SLC25A26: variants seen among roughly 807,000 people sequenced by gnomAD.
SLC25A26 encodes the protein mitochondrial S-adenosylmethionine carrier protein.
SLC25A26 carries 36 observed loss-of-function variants against 37.8 expected under a neutral mutation model. The ratio of observed to expected loss-of-function variants is 0.95; its 90% confidence interval spans 0.73 to 1.26. SLC25A26 has a LOEUF of 1.26. Ranked by LOEUF, SLC25A26 falls within the 50% of genes most tolerant of loss-of-function variation. The pLI is 0.00. For missense variants in SLC25A26, 390 were observed against 331.1 expected (o/e 1.18, Z -1.38); for synonymous variants, 129 against 122.5 (o/e 1.05, Z -0.35).
At chr3:66,348,084 C>T (rs992624495) in intron 6 of SLC25A26, among the ~76,000 whole-genome samples, 1 of 152,166 alleles carries the variant, frequency 6.6e-6, no homozygotes, top group Non-Finnish European at 1.5e-5. Context: ...TCACATTTAC[C>T]TGTGTAACAA....
chr3:66,181,803 T>C (rs868371587), intron 1 of SLC25A26, among the ~76,000 whole-genome samples: 2 of 149,158 alleles, frequency 1.3e-5, no homozygotes, highest in Non-Finnish European at 3.0e-5. Flanking sequence ...TTTTTTTTTT[T>C]CACCAAACAT....
chr3:66,200,402 C>T (rs1161578845), intron 1 of SLC25A26, among the ~76,000 whole-genome samples: 1 of 152,202 alleles, frequency 6.6e-6, no homozygotes, highest in Non-Finnish European at 1.5e-5. Context: ...GCATACAGAC[C>T]ACAAGGATGT....
In SLC25A26 at chr3:66,326,497, C is replaced by A. The variant is rs2075841246; in HGVS notation, c.454-19867C>A. On this transcript the variant is annotated intron_variant, in intron 5 of 9. Coordinates refer to ENST00000354883, the MANE Select transcript of SLC25A26 (RefSeq NM_001379210.1). ...CCAGAGGCTTTGCTGGCCTCCTGGG[C>A]CAGAATTGCAGCCAGGGCAGGGATG... Among the ~76,000 whole-genome samples the A allele has an allele frequency of 1.3e-5, 2 of 152,138 alleles. 1 individual carries two copies. Among genetic ancestry groups the A allele is most frequent in the South Asian group, 4.1e-4 (2 of 4,820 alleles).
At chr3:66,169,077 A>T (rs2070461663) in intron 1 of SLC25A26, among the ~76,000 whole-genome samples, 1 of 152,196 alleles carries the variant, frequency 6.6e-6, no homozygotes, top group Admixed American at 6.5e-5. Context: ...GTGAGCTATG[A>T]TCGCATTACT....
chr3:66,258,890 T>G (rs1230896569), intron 3 of SLC25A26, among the ~76,000 whole-genome samples: 1 of 152,040 alleles, frequency 6.6e-6, no homozygotes, highest in African/African-American at 2.4e-5. Context: ...ACATTAATTT[T>G]TTATACCAAG....
chr3:66,235,096 C>G (rs1283145827), intron 1 of SLC25A26, among the ~76,000 whole-genome samples: 4 of 152,092 alleles, frequency 2.6e-5, no homozygotes. Flanking sequence ...AGTAGTGCAT[C>G]TGTATTGACA....
chr3:66,284,819 A>G (rs976442302), intron 5 of SLC25A26, among the ~76,000 whole-genome samples: 2 of 152,234 alleles, frequency 1.3e-5, no homozygotes, highest in African/African-American at 4.8e-5. Flanking sequence ...AAACACGGCG[A>G]AAGGTTAATA....
intron 1 of SLC25A26, among the ~76,000 whole-genome samples, chr3:66,192,498 G>T (rs2070965798): frequency 6.6e-6 from 1 of 152,054 alleles, no homozygotes; most frequent in African/African-American, 2.4e-5. Context: ...AGAAATAAAT[G>T]TCTGTTGTTT....
At chr3:66,208,359 T>TC (rs1342621220) in intron 1 of SLC25A26, among the ~76,000 whole-genome samples, 1 of 151,546 alleles carries the variant, frequency 6.6e-6, no homozygotes, top group East Asian at 1.9e-4. Flanking sequence ...GAGAGAACCT[T>TC]TTTTTTTAAA....
rs528899172 is a variant in SLC25A26 at position 66,238,373 on chromosome 3, T to TTTA, written c.190+1691_190+1693dup. Among the ~76,000 whole-genome samples the TTTA allele has an allele frequency of 4.9e-4, 74 of 152,102 alleles. No homozygotes were observed. The East Asian group carries it at 5.2e-3, about 11-fold the overall frequency. On this transcript the variant is annotated intron_variant, in intron 2 of 9. Coordinates refer to ENST00000354883, the MANE Select transcript of SLC25A26 (RefSeq NM_001379210.1). ...TATGTATTAACACATGTTTATGTGT[T>TTTA]TTATTATTATTATTATTATTTTTTG... is the stretch of plus-strand genomic sequence containing the variant.
intron 3 of SLC25A26, among the ~76,000 whole-genome samples, chr3:66,245,079 T>G (rs1297157955): frequency 6.6e-6 from 1 of 152,090 alleles, no homozygotes; most frequent in East Asian, 1.9e-4. Flanking sequence ...ATTTTTTGTT[T>G]CTATTTTTGA....
intron 3 of SLC25A26, among the ~76,000 whole-genome samples, chr3:66,243,578 AAG>A (rs1461976049): frequency 6.6e-6 from 1 of 152,320 alleles, no homozygotes; most frequent in Admixed American, 6.5e-5. Flanking sequence ...AAAAAAGACA[AAG>A]AGTGGAAGAA....
intron 1 of SLC25A26, among the ~76,000 whole-genome samples, chr3:66,173,649 A>G (rs1455433529): frequency 6.6e-6 from 1 of 152,216 alleles, no homozygotes; most frequent in African/African-American, 2.4e-5. Context: ...CAATTATATA[A>G]AAGAACATAA....
intron 1 of SLC25A26, among the ~76,000 whole-genome samples, chr3:66,190,047 C>T (rs898268648): frequency 4.5e-4 from 68 of 152,256 alleles, no homozygotes; most frequent in Non-Finnish European, 7.8e-4. Flanking sequence ...TGCAGTGGCT[C>T]AGGCCTGGAA....
chr3:66,334,066 T>C (rs1296925413), intron 5 of SLC25A26, among the ~76,000 whole-genome samples: 1 of 152,210 alleles, frequency 6.6e-6, no homozygotes, highest in African/African-American at 2.4e-5. Context: ...TGTGGATCTT[T>C]TGTCTAGACT....
At chr3:66,314,959 C>T (rs963265050) in intron 5 of SLC25A26, among the ~76,000 whole-genome samples, 19 of 151,358 alleles carry the variant, frequency 1.3e-4, no homozygotes, top group African/African-American at 1.5e-4. Flanking sequence ...TCTGTGGGGT[C>T]GCCAGTGATA....
At chr3:66,325,374 A>T (rs1234241623) in intron 5 of SLC25A26, among the ~76,000 whole-genome samples, 1 of 152,236 alleles carries the variant, frequency 6.6e-6, no homozygotes, top group Non-Finnish European at 1.5e-5. Flanking sequence ...TCAATCTTTC[A>T]TATGTACCAG....
chr3:66,350,692 CTGTG>C (rs147526506), intron 6 of SLC25A26, among the ~76,000 whole-genome samples: 24,508 of 134,962 alleles, frequency 0.18, 4,378 homozygotes, highest in African/African-American at 0.46. Context: ...GCCCTATACT[CTGTG>C]TGTGTGTGTG....
chr3:66,328,541 G>A (rs2075894397), intron 5 of SLC25A26, among the ~76,000 whole-genome samples: 1 of 152,142 alleles, frequency 6.6e-6, no homozygotes, highest in Non-Finnish European at 1.5e-5. Context: ...TCTGTCAGGT[G>A]ATCCACTTCT....
Sources: allele counts gnomAD v4.1 joint callset (sites outside exome capture counted in the v4.1 genomes callset), GRCh38; gene constraint gnomAD v4.1.1; transcripts MANE v1.5; gene names NCBI Gene and HGNC (gene_info 2026-07-23, HGNC 2026-07-21).